ADA2: variants seen among roughly 807,000 people sequenced by gnomAD.
ADA2 encodes the protein adenosine deaminase 2, also known as adenosine deaminase CECR1.
In ADA2, 29 loss-of-function variants were observed where a neutral mutation model predicts 44.2. The observed-to-expected ratio is 0.66, with a 90% confidence interval of 0.49 to 0.89. The LOEUF (loss-of-function observed/expected upper bound fraction) is 0.89. ADA2 is among the 40% of genes least tolerant of loss of function. The probability of loss-of-function intolerance (pLI) is 0.00; values close to 1 mark genes in which losing one functional copy is unlikely to be tolerated. For synonymous variants in ADA2, 215 were observed against 234.9 expected, an observed-to-expected ratio of 0.92 and a Z score of 0.77; for missense variants, 637 against 644.8, an observed-to-expected ratio of 0.99 and a Z score of 0.13.
rs2231489 is a variant in ADA2 at position 17,203,454 on chromosome 22, C to T, written c.753+109G>A. The T allele has an allele frequency of 0.078, 66,542 of 848,830 alleles. 2,808 individuals are homozygous for T. Among genetic ancestry groups the T allele is most frequent in the Middle Eastern group, 0.15 (423 of 2,890 alleles). The allele number at this position is 848,830 out of a possible 1,614,324, so 52.6% of individuals were successfully genotyped here. On this transcript the variant is annotated intron_variant, in intron 4 of 9. Transcript: ENST00000399837. The stretch of plus-strand genomic sequence containing the variant: ...CTGGAAAGGCACATGATCCCTTGCA[C>T]CAGAGACCTGAGTGGTCAATTCATG...
chr22:17,219,661 G>GATTTTTTTTTTTTTTTTTTTTTTTT (rs1178590006), upstream of ADA2: 2 of 125,660 alleles, frequency 1.6e-5, no homozygotes. Flanking sequence ...TGCATGTGGG[G>GATTTTTTTTTTTTTTTTTTTTTTTT]TTTGTTTTTT....
Position 17,203,592 on chromosome 22 carries a change from A to G in ADA2, c.724T>C (p.Tyr242His), listed in dbSNP as rs1391989452. 1.2e-6 allele frequency: 2 copies of G among 1,612,946 alleles called. No homozygotes were observed. The highest frequency in any genetic ancestry group is 1.1e-5 in the South Asian group (1 of 91,010). Residue 242 changes from tyrosine to histidine, a missense_variant, in exon 4 of 10, where the codon TAC (tyrosine) becomes CAC (histidine). By Grantham distance (83) the Tyr-to-His change is moderately conservative. Transcript: ENST00000399837. ...AGCAGCCTGGCTCTGATCTCCATGT[A>G]GAGCACGTTGTCCTCGTAGAACTCC... ...MQEFYEDNVL[Y>H]MEIRARLLPV...
chr22:17,195,389 C>T (rs1404526217), intron 4 of ADA2, among the ~76,000 whole-genome samples: 2 of 151,792 alleles, frequency 1.3e-5, no homozygotes, highest in African/African-American at 4.8e-5. Flanking sequence ...ATTAGCCGGG[C>T]GTGGTGGTGG....
At chr22:17,207,758 T>A (rs1198171552) in intron 2 of ADA2, among the ~76,000 whole-genome samples, 2 of 152,098 alleles carry the variant, frequency 1.3e-5, no homozygotes, top group Non-Finnish European at 2.9e-5. Context: ...CAACACTGCA[T>A]GACGGGATAC....
At chr22:17,202,097 G>A (rs546956191) in intron 4 of ADA2, among the ~76,000 whole-genome samples, 15 of 146,762 alleles carry the variant, frequency 1.0e-4, no homozygotes, top group African/African-American at 3.8e-4. Context: ...TCAGCCTCCC[G>A]AGTAGCTGAT....
chr22:17,214,012 C>G, intron 1 of ADA2: 2 of 365,594 alleles, frequency 5.5e-6, no homozygotes, highest in Middle Eastern at 9.5e-4. Context: ...GCACTCCAGC[C>G]TGAGCAACAA....
chr22:17,221,115 T>A (rs1277565060), upstream of ADA2, among the ~76,000 whole-genome samples: 2 of 151,090 alleles, frequency 1.3e-5, no homozygotes, highest in Non-Finnish European at 2.9e-5. Flanking sequence ...TGCACTCCAG[T>A]CTGGATGACA....
At chr22:17,188,887 T>A (rs1314244515) in intron 6 of ADA2, among the ~76,000 whole-genome samples, 18 of 64,236 alleles carry the variant, frequency 2.8e-4, no homozygotes, top group Non-Finnish European at 5.6e-4. Flanking sequence ...ATATATATAT[T>A]TTGTAAAGAC....
At chr22:17,202,054 C>G (rs2062295517) in intron 4 of ADA2, among the ~76,000 whole-genome samples, 1 of 147,704 alleles carries the variant, frequency 6.8e-6, no homozygotes, top group South Asian at 2.1e-4. Flanking sequence ...TCACTGCAAG[C>G]TCCTCCCCCT....
rs2062363524 is a variant in ADA2, at chr22:17,207,219, G to T, written c.394C>A (p.Pro132Thr). Residue 132 changes from proline to threonine, a missense_variant, in exon 3 of 10, where the codon CCT (proline) becomes ACT (threonine). By Grantham distance (38) the Pro-to-Thr change is conservative. Transcript: ENST00000399837. Reference sequence around the variant, plus strand: ...GGGGTGAAACAGATGTGGCAGTGAGGCCTGTAGGTGACATTCCTCACCAGC... The same window carrying T: ...GGGGTGAAACAGATGTGGCAGTGAGTCCTGTAGGTGACATTCCTCACCAGC... Reference protein sequence around the residue: ...DWLVRNVTYRPHCHICFTPRG... With the variant: ...DWLVRNVTYRTHCHICFTPRG... The T allele has an allele frequency of 6.2e-7, 1 of 1,614,006 alleles. No individual in the cohort carries two copies. The highest frequency in any genetic ancestry group is 8.5e-7 in the Non-Finnish European group (1 of 1,179,830).
intron 1 of ADA2, among the ~76,000 whole-genome samples, chr22:17,218,448 T>C (rs73876666): frequency 1.2e-3 from 182 of 152,288 alleles, no homozygotes; most frequent in African/African-American, 4.3e-3. Flanking sequence ...TCCTTGACTC[T>C]CTTTTTTGAC....
In ADA2 at chr22:17,182,759, A is replaced by T; in HGVS notation, c.1084T>A (p.Trp362Arg). ...TTCCTGTCTATGGAAGTACCCTGCC[A>T]GTCTGAACACACGGGAATGGTCTTC... ...PYFFHAGETD[W>R]QGTSIDRNIL... Residue 362 changes from tryptophan to arginine, a missense_variant and splice_region_variant, in exon 8 of 10, where the codon TGG becomes AGG. Coordinates refer to ENST00000399837, the MANE Select transcript of ADA2 (RefSeq NM_001282225.2). The T allele has an allele frequency of 6.2e-7, 1 of 1,613,088 alleles. No homozygotes were observed. The highest frequency in any genetic ancestry group is 8.5e-7 in the Non-Finnish European group (1 of 1,179,872).
At chr22:17,181,738 T>A in intron 9 of ADA2, 82 bp downstream of exon 9, 1 of 1,267,646 alleles carries the variant, frequency 7.9e-7, no homozygotes, top group Non-Finnish European at 1.1e-6. Flanking sequence ...CATCGAGGCA[T>A]CTGCCTCAAG....
rs1162848049 is a variant in ADA2 at position 17,191,827 on chromosome 22, A to G, written c.754-17T>C. The stretch of plus-strand genomic sequence containing the variant: ...CTCATACACCTGGGAAGAAAGCACA[A>G]CCAGGAGCCGTCAGGTGAGCAGTGA... On this transcript the variant is annotated splice_polypyrimidine_tract_variant and intron_variant, in intron 4 of 9. Transcript: ENST00000399837. The G allele has an allele frequency of 3.1e-6, 5 of 1,607,354 alleles. No individual in the cohort carries two copies. The highest frequency in any genetic ancestry group is 2.2e-5 in the South Asian group (2 of 90,548).
upstream of ADA2, among the ~76,000 whole-genome samples, chr22:17,220,202 A>AG (rs1237748664): frequency 6.6e-6 from 1 of 151,968 alleles, no homozygotes; most frequent in African/African-American, 2.4e-5. Flanking sequence ...TATATGTTTT[A>AG]GGGGGGAAAT....
At chr22:17,186,189 C>T (rs550649650) in intron 7 of ADA2, among the ~76,000 whole-genome samples, 1 of 152,198 alleles carries the variant, frequency 6.6e-6, no homozygotes, top group Non-Finnish European at 1.5e-5. Context: ...CCTCTTCTGC[C>T]AATTTCCAGC....
intron 1 of ADA2, among the ~76,000 whole-genome samples, chr22:17,211,988 G>C (rs1332534701): frequency 1.3e-5 from 2 of 151,984 alleles, no homozygotes; most frequent in Non-Finnish European, 2.9e-5. Context: ...ACAATTAACA[G>C]AATGAAGAGA....
intron 7 of ADA2, among the ~76,000 whole-genome samples, chr22:17,187,116 G>A (rs1391252280): frequency 5.0e-5 from 7 of 139,872 alleles, no homozygotes; most frequent in South Asian, 2.3e-4. Context: ...CAAGTGAGCC[G>A]AGATCATACC....
upstream of ADA2, among the ~76,000 whole-genome samples, chr22:17,221,333 A>G (rs1181016562): frequency 6.6e-6 from 1 of 151,986 alleles, no homozygotes; most frequent in East Asian, 1.9e-4. Flanking sequence ...ACATGTGCAC[A>G]ATGTGCAGGT....
Sources: gnomAD v4.1 joint callset for allele counts (sites outside exome capture counted in the v4.1 genomes callset) on GRCh38, gnomAD v4.1.1 for gene constraint, MANE v1.5 for transcripts, NCBI Gene and HGNC (gene_info 2026-07-23, HGNC 2026-07-21) for gene names.